Variants in ADAMTS19 observed in about 807,000 individuals in gnomAD.
The protein encoded by ADAMTS19 is ADAM metallopeptidase with thrombospondin type 1 motif 19, also known as A disintegrin and metalloproteinase with thrombospondin motifs 19.
Under a neutral mutation model 153.3 loss-of-function variants are expected in ADAMTS19, and 93 were observed. The ratio of observed to expected loss-of-function variants is 0.61; its 90% CI spans 0.51 to 0.72. ADAMTS19 has a LOEUF of 0.72. Among genes scored for constraint, ADAMTS19 ranks in the 30% least tolerant of loss-of-function variants. ADAMTS19 has a pLI of 0.00. For synonymous variants in ADAMTS19, 600 were observed against 556.6 expected (o/e 1.08, Z -1.10); for missense variants, 1,482 against 1,552.1 (o/e 0.95, Z 0.76).
At chr5:129,656,560 C>T (rs1407473506) in intron 14 of ADAMTS19, among the ~76,000 whole-genome samples, 1 of 152,184 alleles carries the variant, frequency 6.6e-6, no homozygotes, top group African/African-American at 2.4e-5. Context: ...TGCGTATCTC[C>T]CGCACACCAG....
In ADAMTS19 at chr5:129,579,346, T is replaced by C. The variant is rs532384464; in HGVS notation, c.1373-17213T>C. On this transcript the variant is annotated intron_variant, in intron 7 of 22. Transcript: ENST00000274487. ...GTAGATTCTGGATATTAGACCTTTG[T>C]CAGATGGATAGATTGCAAAAATGTT... is the stretch of plus-strand genomic sequence containing the variant. 8.7e-4 allele frequency among the ~76,000 whole-genome samples: 132 copies of C among 152,332 alleles called. 1 individual carries two copies. Among genetic ancestry groups the C allele is most frequent in the Admixed American group, 1.7e-3 (26 of 15,304 alleles).
chr5:129,506,123 A>G (rs1207347005), intron 2 of ADAMTS19, among the ~76,000 whole-genome samples: 2 of 152,076 alleles, frequency 1.3e-5, no homozygotes, highest in Non-Finnish European at 2.9e-5. Flanking sequence ...TATTTTGTTA[A>G]TGGAAGAAGT....
chr5:129,497,026 G>A (rs1054062265), intron 2 of ADAMTS19, among the ~76,000 whole-genome samples: 22 of 151,932 alleles, frequency 1.4e-4, no homozygotes, highest in African/African-American at 4.3e-4. Flanking sequence ...CTCAGCTCTT[G>A]CTATTGAATT....
chr5:129,647,748 C>T lies in ADAMTS19; in HGVS notation c.1873-17C>T, dbSNP rs1753131320. On this transcript the variant is annotated splice_polypyrimidine_tract_variant and intron_variant, in intron 11 of 22. Transcript: ENST00000274487. The stretch of plus-strand genomic sequence containing the variant: ...TGTGCCCTGATTTGTTCACCTAAGA[C>T]ATAACTTTTGGAATAGTGGTGTAAG... 1.2e-6 allele frequency: 2 copies of T among 1,612,316 alleles called. No homozygotes were observed. Among genetic ancestry groups the T allele is most frequent in the Non-Finnish European group, 1.7e-6 (2 of 1,178,794 alleles).
intron 7 of ADAMTS19, among the ~76,000 whole-genome samples, chr5:129,582,406 A>G (rs1397201464): frequency 6.6e-6 from 1 of 151,458 alleles, no homozygotes; most frequent in Non-Finnish European, 1.5e-5. Context: ...ATCAGAGACT[A>G]GGATTGCAAC....
chr5:129,569,306 A>C (rs960416345), intron 7 of ADAMTS19, among the ~76,000 whole-genome samples: 6 of 152,146 alleles, frequency 3.9e-5, no homozygotes, highest in Non-Finnish European at 7.4e-5. Context: ...ATGTTTTAGC[A>C]CTTAACAATA....
At chr5:129,570,194 G>A (rs2126861737) in intron 7 of ADAMTS19, among the ~76,000 whole-genome samples, 1 of 151,806 alleles carries the variant, frequency 6.6e-6, no homozygotes, top group East Asian at 1.9e-4. Context: ...GTATGACAAA[G>A]AAAAATAGAA....
chr5:129,486,977 T>C (rs145220134), intron 2 of ADAMTS19, among the ~76,000 whole-genome samples: 271 of 152,286 alleles, frequency 1.8e-3, no homozygotes, highest in African/African-American at 6.2e-3. Flanking sequence ...TTTATCACAG[T>C]CCTTCTCTCC....
At chr5:129,601,490 T>G (rs1019937778) in intron 8 of ADAMTS19, among the ~76,000 whole-genome samples, 12 of 152,206 alleles carry the variant, frequency 7.9e-5, no homozygotes, top group African/African-American at 2.7e-4. Flanking sequence ...TAGATTGCTG[T>G]GCTTTGAGGG....
chr5:129,624,419 A>G (rs1316793679), intron 10 of ADAMTS19, among the ~76,000 whole-genome samples: 17 of 152,172 alleles, frequency 1.1e-4, no homozygotes, highest in Admixed American at 1.1e-3. Flanking sequence ...AAAATGAAAG[A>G]TTTTGAGGTA....
At chr5:129,530,672 C>A (rs563893375) in intron 6 of ADAMTS19, among the ~76,000 whole-genome samples, 1 of 151,990 alleles carries the variant, frequency 6.6e-6, no homozygotes, top group Non-Finnish European at 1.5e-5. Context: ...GGGTATCTAT[C>A]GAAACATATA....
chr5:129,715,782 ATAGT>A (rs1362513726), intron 21 of ADAMTS19, among the ~76,000 whole-genome samples: 4 of 152,180 alleles, frequency 2.6e-5, no homozygotes, highest in Admixed American at 6.5e-5. Context: ...TGCTCATCAG[ATAGT>A]TAAATACTGG....
intron 7 of ADAMTS19, among the ~76,000 whole-genome samples, chr5:129,593,398 C>T (rs1297991333): frequency 6.6e-6 from 1 of 152,102 alleles, no homozygotes; most frequent in African/African-American, 2.4e-5. Context: ...CTACCTGCAC[C>T]CTTCTTTACT....
intron 21 of ADAMTS19, among the ~76,000 whole-genome samples, chr5:129,732,326 A>T (rs1167754232): frequency 1.3e-5 from 2 of 152,110 alleles, no homozygotes; most frequent in Non-Finnish European, 2.9e-5. Flanking sequence ...TCCTGGCCAG[A>T]GCAATCAGGC....
intron 2 of ADAMTS19, among the ~76,000 whole-genome samples, chr5:129,484,753 C>A (rs1750537134): frequency 6.6e-6 from 1 of 151,988 alleles, no homozygotes; most frequent in African/African-American, 2.4e-5. Context: ...GCAAGAGTTT[C>A]TCTTTGGGTC....
intron 8 of ADAMTS19, among the ~76,000 whole-genome samples, chr5:129,607,431 T>G (rs894323042): frequency 3.9e-5 from 6 of 152,164 alleles, no homozygotes; most frequent in Non-Finnish European, 8.8e-5. Flanking sequence ...ACATATGTTG[T>G]ACAAGTGAAT....
At chr5:129,606,940 T>C (rs1409847489) in intron 8 of ADAMTS19, among the ~76,000 whole-genome samples, 2 of 151,922 alleles carry the variant, frequency 1.3e-5, no homozygotes. Flanking sequence ...ATTTTTGAGA[T>C]GGAGTCTCAC....
At chr5:129,476,022 T>A (rs924744468) in intron 2 of ADAMTS19, among the ~76,000 whole-genome samples, 2 of 151,462 alleles carry the variant, frequency 1.3e-5, no homozygotes, top group African/African-American at 4.8e-5. Flanking sequence ...AAACCGATTA[T>A]TTTTTTTTCT....
At position 129,677,305 on chromosome 5, in the gene ADAMTS19, G is replaced by A. The variant is rs539808147; in HGVS notation, c.2507-2459G>A. 2.8e-4 allele frequency among the ~76,000 whole-genome samples: 43 copies of A among 152,138 alleles called. No homozygotes were observed. In the South Asian group the frequency reaches 4.8e-3, roughly 17 times the overall value. On this transcript the variant is annotated intron_variant, in intron 16 of 22. Transcript: ENST00000274487. ...AGCCTGGCCAACATGACAAAACGCT[G>A]TTTCTACTAAAAATACACAAATTAG...
Sources: allele counts gnomAD v4.1 joint callset (sites outside exome capture counted in the v4.1 genomes callset), GRCh38; gene constraint gnomAD v4.1.1; transcripts MANE v1.5; gene names NCBI Gene and HGNC (gene_info 2026-07-23, HGNC 2026-07-21).